RALYL: variants seen among roughly 807,000 people sequenced by gnomAD.
RALYL encodes RALY RNA binding protein like, also known as RNA-binding Raly-like protein.
In RALYL, 29 loss-of-function variants were observed where a neutral mutation model predicts 35.1. The observed-to-expected ratio is 0.83, with a 90% CI of 0.61 to 1.13. The LOEUF is 1.13. Ranked by LOEUF, RALYL falls within the 50% of genes most tolerant of loss-of-function variation. The probability of loss-of-function intolerance (pLI) is 0.00; values close to 1 mark genes in which losing one functional copy is unlikely to be tolerated. For missense variants in RALYL, 359 were observed against 360.4 expected, an observed-to-expected ratio of 1.00 and a Z score of 0.03; for synonymous variants, 120 against 127.6, an observed-to-expected ratio of 0.94 and a Z score of 0.40.
In RALYL at chr8:84,853,313, C is replaced by T. The variant is rs77333798; in HGVS notation, c.413+3286C>T. 3.0e-4 allele frequency among the ~76,000 whole-genome samples: 46 copies of T among 152,182 alleles called. 1 individual carries two copies. The highest frequency in any genetic ancestry group is 6.6e-4 in the Non-Finnish European group (45 of 68,006). On this transcript the variant is annotated intron_variant, in intron 5 of 8. Transcript: ENST00000521268. ...ATCTTTAAAAGGAAGCCAGGATTTG[C>T]ATTTTACTATTTAGAAATGTTAGCT...
At chr8:84,239,080 A>G (rs946567642) in intron 1 of RALYL, among the ~76,000 whole-genome samples, 2 of 152,194 alleles carry the variant, frequency 1.3e-5, no homozygotes, top group Admixed American at 1.3e-4. Context: ...CTGATGAACT[A>G]TGCTTCAAAA....
At chr8:84,785,948 T>G (rs969600694) in intron 3 of RALYL, among the ~76,000 whole-genome samples, 2 of 152,230 alleles carry the variant, frequency 1.3e-5, no homozygotes, top group Non-Finnish European at 2.9e-5. Context: ...AAGCCCAGCA[T>G]GCATTACCTA....
At chr8:84,583,506 T>A (rs972065143) in intron 2 of RALYL, among the ~76,000 whole-genome samples, 4 of 152,132 alleles carry the variant, frequency 2.6e-5, no homozygotes, top group Non-Finnish European at 4.4e-5. Context: ...ATTTAATAAA[T>A]AATCAAATGT....
chr8:84,854,339 C>T (rs950351162), intron 5 of RALYL, among the ~76,000 whole-genome samples: 5 of 146,842 alleles, frequency 3.4e-5, no homozygotes, highest in Non-Finnish European at 6.0e-5. Context: ...AGCGAAACTC[C>T]GTCTAAAAAA....
At chr8:84,242,136 GATA>G (rs1285832181) in intron 1 of RALYL, among the ~76,000 whole-genome samples, 1 of 152,156 alleles carries the variant, frequency 6.6e-6, no homozygotes, top group African/African-American at 2.4e-5. Context: ...GTTTGCTGAA[GATA>G]ATGGCTTCCA....
intron 1 of RALYL, among the ~76,000 whole-genome samples, chr8:84,304,263 G>T (rs531302789): frequency 6.6e-6 from 1 of 151,908 alleles, no homozygotes; most frequent in East Asian, 1.9e-4. Flanking sequence ...GACTACAGGC[G>T]CCCGCCACCA....
intron 1 of RALYL, among the ~76,000 whole-genome samples, chr8:84,528,446 T>C (rs2059057829): frequency 6.6e-6 from 1 of 152,128 alleles, no homozygotes; most frequent in Non-Finnish European, 1.5e-5. Context: ...TTTTGTTTAA[T>C]TTAATTAAAC....
At chr8:84,716,360 TAGTG>T (rs1370810941) in intron 2 of RALYL, among the ~76,000 whole-genome samples, 1 of 152,178 alleles carries the variant, frequency 6.6e-6, no homozygotes, top group Non-Finnish European at 1.5e-5. Context: ...TCTCAGTAAT[TAGTG>T]AGAGGTTGGC....
chr8:84,820,537 CTTGTT>C (rs1295082558), intron 4 of RALYL, among the ~76,000 whole-genome samples: 1 of 151,978 alleles, frequency 6.6e-6, no homozygotes, highest in Non-Finnish European at 1.5e-5. Flanking sequence ...TTTGTTTTGT[CTTGTT>C]TTTTTAATTT....
At chr8:84,223,178 CCCTT>C (rs1822856445) in intron 1 of RALYL, among the ~76,000 whole-genome samples, 9 of 110,946 alleles carry the variant, frequency 8.1e-5, no homozygotes, top group Admixed American at 1.9e-4. Flanking sequence ...CCCTTCCCTT[CCCTT>C]CCCTTCCCTT....
chr8:84,317,086 T>C (rs1843891456), intron 1 of RALYL, among the ~76,000 whole-genome samples: 1 of 152,040 alleles, frequency 6.6e-6, no homozygotes, highest in Non-Finnish European at 1.5e-5. Flanking sequence ...AAAAGGAATA[T>C]AGTCAGAGCA....
intron 1 of RALYL, among the ~76,000 whole-genome samples, chr8:84,381,396 AG>A (rs1404257547): frequency 2.6e-5 from 4 of 151,884 alleles, no homozygotes; most frequent in Admixed American, 2.6e-4. Context: ...TCAGAGAAAA[AG>A]GGGTCCTTCT....
At chr8:84,297,996 C>T (rs1299877913) in intron 1 of RALYL, among the ~76,000 whole-genome samples, 1 of 152,052 alleles carries the variant, frequency 6.6e-6, no homozygotes, top group Non-Finnish European at 1.5e-5. Context: ...TCAGCTTATT[C>T]TGTTGATACT....
chr8:84,796,578 T>G (rs1196277834), intron 3 of RALYL, among the ~76,000 whole-genome samples: 1 of 152,242 alleles, frequency 6.6e-6, no homozygotes, highest in African/African-American at 2.4e-5. Context: ...TTATCTTTGA[T>G]CAGTCATCAT....
At chr8:84,401,910 CAA>C (rs33941458) in intron 1 of RALYL, among the ~76,000 whole-genome samples, 1 of 151,378 alleles carries the variant, frequency 6.6e-6, no homozygotes, top group South Asian at 2.1e-4. Flanking sequence ...GTTACCCTGT[CAA>C]AAATCTTGTT....
intron 2 of RALYL, among the ~76,000 whole-genome samples, chr8:84,561,806 G>C (rs1378600545): frequency 2.0e-5 from 3 of 151,896 alleles, no homozygotes; most frequent in Non-Finnish European, 4.4e-5. Context: ...GTGGGACCCT[G>C]TGAGATCTCA....
chr8:84,749,757 A>T lies in RALYL; in HGVS notation c.257-24822A>T, dbSNP rs578095398. 1.5e-3 allele frequency among the ~76,000 whole-genome samples: 224 copies of T among 152,326 alleles called. 1 individual carries two copies. The highest frequency in any genetic ancestry group is 5.1e-3 in the African/African-American group (212 of 41,592). Reference sequence around the variant, plus strand: ...ACATTTATAAGCAACAGGCAGATGTATCACTTACAGATAGGCAGCAAGAAA... The same window carrying T: ...ACATTTATAAGCAACAGGCAGATGTTTCACTTACAGATAGGCAGCAAGAAA... On this transcript the variant is annotated intron_variant, in intron 2 of 8. Coordinates refer to ENST00000521268, the MANE Select transcript of RALYL (RefSeq NM_173848.7).
chr8:84,638,961 C>T (rs1040256619), intron 2 of RALYL, among the ~76,000 whole-genome samples: 6 of 84,850 alleles, frequency 7.1e-5, no homozygotes, highest in Non-Finnish European at 1.1e-4. Context: ...CACACACACA[C>T]ACAGACACAC....
chr8:84,467,830 T>A (rs1386620889), intron 1 of RALYL, among the ~76,000 whole-genome samples: 1 of 140,310 alleles, frequency 7.1e-6, no homozygotes, highest in African/African-American at 2.7e-5. Flanking sequence ...GGTGCTCCTG[T>A]ATTGGGTGCA....
Sources: allele counts gnomAD v4.1 joint callset (sites outside exome capture counted in the v4.1 genomes callset), GRCh38; gene constraint gnomAD v4.1.1; transcripts MANE v1.5; gene names NCBI Gene and HGNC (gene_info 2026-07-23, HGNC 2026-07-21).